Variants in KHDRBS2 observed in about 807,000 individuals in gnomAD.
KHDRBS2 encodes KH RNA binding domain containing, signal transduction associated 2.
Under a neutral mutation model 44.3 loss-of-function variants are expected in KHDRBS2, and 26 were observed. The observed-to-expected ratio is 0.59, with a 90% confidence interval of 0.43 to 0.81. The LOEUF (loss-of-function observed/expected upper bound fraction) is 0.81. KHDRBS2 is among the 40% of genes least tolerant of loss of function. KHDRBS2 has a pLI of 0.00. For synonymous variants in KHDRBS2, 194 were observed against 151.1 expected, an observed-to-expected ratio of 1.28 and a Z score of -2.08; for missense variants, 476 against 433.1, an observed-to-expected ratio of 1.10 and a Z score of -0.88.
chr6:61,790,762 A>G (rs1784520322), intron 6 of KHDRBS2, among the ~76,000 whole-genome samples: 1 of 151,522 alleles, frequency 6.6e-6, no homozygotes, highest in African/African-American at 2.4e-5. Context: ...TTGACATCCA[A>G]TTTATGTAGC....
chr6:61,655,260 A>ACG, the KHDRBS2 span, among the ~76,000 whole-genome samples: 1 of 146,582 alleles, frequency 6.8e-6, no homozygotes, highest in African/African-American at 2.5e-5. Context: ...ACACACACAC[A>ACG]CTATTTATTT....
intron 7 of KHDRBS2, among the ~76,000 whole-genome samples, chr6:61,705,263 A>C (rs1769335212): frequency 6.6e-6 from 1 of 151,768 alleles, no homozygotes; most frequent in Admixed American, 6.6e-5. Context: ...CCCTCTACCA[A>C]CTGATTTCTG....
chr6:61,761,127 T>C (rs1779207103), intron 6 of KHDRBS2, among the ~76,000 whole-genome samples: 2 of 152,278 alleles, frequency 1.3e-5, no homozygotes, highest in African/African-American at 2.4e-5. Context: ...GTCTTTTAGG[T>C]AAGGTTTTCC....
chr6:61,609,715 T>C, the KHDRBS2 span, among the ~76,000 whole-genome samples: 2 of 152,206 alleles, frequency 1.3e-5, no homozygotes, highest in Non-Finnish European at 2.9e-5. Context: ...GCTTTAGCTA[T>C]TCTAAGTAGA....
At chr6:62,200,920 T>C (rs1006220827) in intron 1 of KHDRBS2, among the ~76,000 whole-genome samples, 1 of 152,052 alleles carries the variant, frequency 6.6e-6, no homozygotes, top group African/African-American at 2.4e-5. Context: ...AAATGATGAG[T>C]TCATGTTCTT....
intron 1 of KHDRBS2, among the ~76,000 whole-genome samples, chr6:62,216,793 A>G (rs1830074568): frequency 6.6e-6 from 1 of 150,926 alleles, no homozygotes; most frequent in Admixed American, 6.6e-5. Context: ...AGATGACCAA[A>G]AGCCTAGATC....
chr6:61,758,492 A>G (rs1490109604), intron 6 of KHDRBS2, among the ~76,000 whole-genome samples: 7 of 151,944 alleles, frequency 4.6e-5, no homozygotes, highest in Admixed American at 1.3e-4. Flanking sequence ...TTTTATATGC[A>G]TTAAGTACTT....
intron 1 of KHDRBS2, among the ~76,000 whole-genome samples, chr6:62,272,206 T>C (rs1840204951): frequency 2.0e-5 from 3 of 152,182 alleles, no homozygotes; most frequent in African/African-American, 4.8e-5. Flanking sequence ...AGCTGTACCA[T>C]ACAGACTGGG....
Position 62,049,506 on chromosome 6 carries a change from T to A in KHDRBS2, c.220-1512A>T, listed in dbSNP as rs79062463. Among the ~76,000 whole-genome samples, 4 of 138,146 alleles carry A rather than the reference T, an allele frequency of 2.9e-5. No individual in the cohort carries two copies. In the East Asian group the frequency reaches 9.2e-4, roughly 32 times the overall value. 90.6% of individuals were successfully genotyped at this position (138,146 alleles called of 152,430 possible). ...AGCAAAGAGCACCAAAAAAAAAAAA[T>A]CCCTAATGTATCAGTGATGATAAGC... is the stretch of plus-strand genomic sequence containing the variant. On this transcript the variant is annotated intron_variant, in intron 2 of 8. Coordinates refer to ENST00000281156, the MANE Select transcript of KHDRBS2 (RefSeq NM_152688.4).
At chr6:61,807,626 T>C (rs569781684) in intron 6 of KHDRBS2, among the ~76,000 whole-genome samples, 3 of 151,958 alleles carry the variant, frequency 2.0e-5, no homozygotes, top group African/African-American at 4.8e-5. Flanking sequence ...CAAAATCACA[T>C]GGACACTAGG....
At chr6:61,929,148 T>C (rs918810328) in intron 4 of KHDRBS2, among the ~76,000 whole-genome samples, 1 of 152,210 alleles carries the variant, frequency 6.6e-6, no homozygotes, top group African/African-American at 2.4e-5. Flanking sequence ...TTTGCTCCTG[T>C]GTGGTTATAA....
chr6:62,209,821 G>A lies in KHDRBS2; in HGVS notation c.92-32509C>T, dbSNP rs57587082. On this transcript the variant is annotated intron_variant, in intron 1 of 8. Transcript: ENST00000281156. ...CCTGTGCATGATGCTTCCTGCCCTC[G>A]AACATCATACTCCAAGTTCTTTAGC... is the stretch of plus-strand genomic sequence containing the variant. Among the ~76,000 whole-genome samples, 374 of 152,176 alleles carry A rather than the reference G, an allele frequency of 2.5e-3. 1 individual carries two copies. The highest frequency in any genetic ancestry group is 8.7e-3 in the African/African-American group (363 of 41,522).
At chr6:61,604,461 A>G in the KHDRBS2 span, among the ~76,000 whole-genome samples, 5 of 152,272 alleles carry the variant, frequency 3.3e-5, no homozygotes, top group Admixed American at 1.3e-4. Flanking sequence ...ACACAAGGCA[A>G]ATGGTTCTTG....
the KHDRBS2 span, among the ~76,000 whole-genome samples, chr6:61,552,651 T>C: frequency 1.3e-5 from 2 of 152,188 alleles, no homozygotes; most frequent in African/African-American, 4.8e-5. Flanking sequence ...ATATATGTCT[T>C]ATTATTTTGA....
chr6:62,037,595 C>CA (rs1380332294), intron 3 of KHDRBS2, among the ~76,000 whole-genome samples: 2 of 152,006 alleles, frequency 1.3e-5, no homozygotes, highest in Admixed American at 1.3e-4. Flanking sequence ...CAGGAAGCAG[C>CA]AAATAGAGGG....
At chr6:61,807,435 G>A (rs1235027066) in intron 6 of KHDRBS2, among the ~76,000 whole-genome samples, 1 of 152,102 alleles carries the variant, frequency 6.6e-6, no homozygotes, top group African/African-American at 2.4e-5. Flanking sequence ...GTCCATTAAT[G>A]GTGGACTGGA....
chr6:61,750,189 C>T (rs1777460275), intron 6 of KHDRBS2, among the ~76,000 whole-genome samples: 1 of 152,040 alleles, frequency 6.6e-6, no homozygotes, highest in South Asian at 2.1e-4. Flanking sequence ...CAGAGATTGA[C>T]AAAAGCATCA....
chr6:61,748,461 C>G (rs946709993), intron 6 of KHDRBS2, among the ~76,000 whole-genome samples: 22 of 152,200 alleles, frequency 1.4e-4, no homozygotes, highest in African/African-American at 5.3e-4. Context: ...AAGAGGCCCT[C>G]TATCAATATT....
chr6:62,118,036 G>A (rs208999), intron 2 of KHDRBS2, among the ~76,000 whole-genome samples: 121,437 of 152,174 alleles, frequency 0.8, 49,099 homozygotes, highest in African/African-American at 0.93. Context: ...TTGGCCTCCC[G>A]AAGTGTTGAG....
Sources: allele counts gnomAD v4.1 joint callset (sites outside exome capture counted in the v4.1 genomes callset), GRCh38; gene constraint gnomAD v4.1.1; transcripts MANE v1.5; gene names NCBI Gene and HGNC (gene_info 2026-07-23, HGNC 2026-07-21).